GNLY: variants seen among roughly 807,000 people sequenced by gnomAD.
GNLY encodes the protein granulysin.
In GNLY, 15 loss-of-function variants were observed where a neutral mutation model predicts 18.5. The observed-to-expected ratio is 0.81, with a 90% CI of 0.54 to 1.25. The LOEUF is 1.25. GNLY is among the 50% of genes most tolerant of loss of function. The probability of loss-of-function intolerance (pLI) is 0.00; values close to 1 mark genes in which losing one functional copy is unlikely to be tolerated. For missense variants in GNLY, 178 were observed against 186.9 expected, an observed-to-expected ratio of 0.95 and a Z score of 0.28; for synonymous variants, 77 against 74.9, an observed-to-expected ratio of 1.03 and a Z score of -0.14.
chr2:85,695,782 C>T (rs1678419399), intron 2 of GNLY, among the ~76,000 whole-genome samples, 176 bp from the exon 3 acceptor site: 3 of 152,102 alleles, frequency 2.0e-5, no homozygotes, highest in Non-Finnish European at 4.4e-5. Flanking sequence ...CTAAGACAAG[C>T]AAAAGGGTGG....
At chr2:85,694,579 C>A in intron 1 of GNLY, 109 bp downstream of exon 1, 3 of 1,169,072 alleles carry the variant, frequency 2.6e-6, no homozygotes, top group Non-Finnish European at 3.7e-6. Context: ...CCCCTGCCTC[C>A]CCCCGGCCTT....
chr2:85,695,511 A>T lies in GNLY; in HGVS notation c.156+88A>T, dbSNP rs931771918. 5 of 773,360 alleles carry T rather than the reference A, an allele frequency of 6.5e-6. No individual in the cohort carries two copies. The African/African-American group carries it at 6.8e-5, about 11-fold the overall frequency. 47.9% of individuals were successfully genotyped at this position (773,360 alleles called of 1,614,324 possible). ...CCTGGGGTGAGGTCTGGAGCTCTCTAATGGTCAGGAGGTGGGAGTGGAGGC... is the reference window on the plus strand; with the variant it reads ...CCTGGGGTGAGGTCTGGAGCTCTCTTATGGTCAGGAGGTGGGAGTGGAGGC... On this transcript the variant is annotated intron_variant, in intron 2 of 4. Coordinates refer to ENST00000263863, the MANE Select transcript of GNLY (RefSeq NM_006433.5).
At position 85,697,672 on chromosome 2, in the gene GNLY, C is replaced by T; in HGVS notation, c.422C>T (p.Ser141Phe). The change falls in exon 4 of 5, where the codon TCT becomes TTT. Residue 141 changes from serine to phenylalanine, a missense_variant. By Grantham distance (155) the Ser-to-Phe change is radical (BLOSUM62 -2). Coordinates refer to ENST00000263863, the MANE Select transcript of GNLY (RefSeq NM_006433.5). Reference protein sequence around the residue: ...ICEDLRLCIPSTGPL With the variant: ...ICEDLRLCIPFTGPL ...GAGGACCTCAGGTTGTGTATACCTT[C>T]TACAGGTGAGTGCAGAGGTGACAGC... is the stretch of plus-strand genomic sequence containing the variant. 1.2e-6 allele frequency: 2 copies of T among 1,610,140 alleles called. No individual in the cohort carries two copies. The highest frequency in any genetic ancestry group is 1.7e-6 in the Non-Finnish European group (2 of 1,176,398).
At position 85,697,541 on chromosome 2, in the gene GNLY, G is replaced by A; in HGVS notation, c.291G>A (p.Arg97=). 8 of 1,613,030 alleles carry A rather than the reference G, an allele frequency of 5.0e-6. No individual in the cohort carries two copies. The highest frequency in any genetic ancestry group is 6.8e-6 in the Non-Finnish European group (8 of 1,179,934). Residue 97 remains arginine, a synonymous_variant, in exon 4 of 5, where the codon AGG becomes AGA. Transcript: ENST00000263863. The part of the protein sequence containing the change: ...SVSNAATRVC[R]TGRSRWRDVC... ...CCAATGCTGCGACCCGGGTGTGTAGGACGGGGAGGTCACGATGGCGCGACG... is the reference window on the plus strand; with the variant it reads ...CCAATGCTGCGACCCGGGTGTGTAGAACGGGGAGGTCACGATGGCGCGACG...
chr2:85,694,928 G>T (rs1160526761), intron 1 of GNLY: 1 of 1,575,800 alleles, frequency 6.3e-7, no homozygotes, highest in Non-Finnish European at 8.6e-7. Flanking sequence ...CTTGAGGTCA[G>T]TGTGAGCCCC....
Position 85,695,919 on chromosome 2 carries a change from T to C in GNLY, c.157-39T>C, listed in dbSNP as rs552917326. ...TGGGCACTTTCACGCGCTCCCAGAG[T>C]GTCTGAGAGACCATCATAAGGGCTT... On this transcript the variant is annotated intron_variant, in intron 2 of 4. Transcript: ENST00000263863. 2.3e-5 allele frequency: 27 copies of C among 1,191,530 alleles called. 2 individuals carry two copies. The South Asian group carries it at 3.3e-4, about 15-fold the overall frequency. 73.8% of individuals were successfully genotyped at this position (1,191,530 alleles called of 1,614,324 possible).
At position 85,697,681 on chromosome 2, in the gene GNLY, A is replaced by AGT. The variant is rs1214360805; in HGVS notation, c.427+6_427+7dup. Reference sequence around the variant, plus strand: ...AGGTTGTGTATACCTTCTACAGGTGAGTGCAGAGGTGACAGCAGGGATACC... The same window carrying AGT: ...AGGTTGTGTATACCTTCTACAGGTGAGTGTGCAGAGGTGACAGCAGGGATACC... On this transcript the variant is annotated splice_donor_region_variant and intron_variant, in intron 4 of 4. Transcript: ENST00000263863. The AGT allele has an allele frequency of 2.5e-6, 4 of 1,604,762 alleles. No individual in the cohort carries two copies. The African/African-American group carries it at 4.0e-5, about 16-fold the overall frequency.
chr2:85,697,661 G>C lies in GNLY; in HGVS notation c.411G>C (p.Leu137Phe), dbSNP rs143181527. Residue 137 changes from leucine (L) to phenylalanine (F), a missense_variant, in exon 4 of 5, where the codon TTG becomes TTC. Physicochemically the swap from Leu to Phe is conservative, Grantham distance 22. Transcript: ENST00000263863. ...TAQQICEDLR[L>F]CIPSTGPL Reference sequence around the variant, plus strand: ...AGCAGATCTGTGAGGACCTCAGGTTGTGTATACCTTCTACAGGTGAGTGCA... The same window carrying C: ...AGCAGATCTGTGAGGACCTCAGGTTCTGTATACCTTCTACAGGTGAGTGCA... 1.9e-6 allele frequency: 3 copies of C among 1,612,724 alleles called. No individual in the cohort carries two copies. The highest frequency in any genetic ancestry group is 2.7e-5 in the African/African-American group (2 of 74,920).
At chr2:85,694,595 C>T in intron 1 of GNLY, 125 bp downstream of exon 1, 3 of 1,020,520 alleles carry the variant, frequency 2.9e-6, no homozygotes, top group Non-Finnish European at 2.7e-6. Context: ...GCCTTCTCCC[C>T]CGTCATGGAG....
chr2:85,697,967 A>G (rs1325559917), intron 4 of GNLY, among the ~76,000 whole-genome samples: 1 of 152,218 alleles, frequency 6.6e-6, no homozygotes, highest in African/African-American at 2.4e-5. Context: ...AAGGGGAGAT[A>G]GCAATCCTGA....
chr2:85,698,263 T>A (rs1866141), intron 4 of GNLY: 4 of 620,312 alleles, frequency 6.4e-6, no homozygotes, highest in African/African-American at 1.8e-5. Context: ...CTGTAGGAAA[T>A]GGGGCCAGAA....
At chr2:85,696,323 A>C (rs1678448550) in intron 3 of GNLY, 1 of 407,294 alleles carries the variant, frequency 2.5e-6, no homozygotes, top group African/African-American at 2.0e-5. Context: ...GTCCCAGAGA[A>C]GTTAGGAATC....
Position 85,695,374 on chromosome 2 carries a change from T to G in GNLY, c.107T>G (p.Leu36Arg). Residue 36 changes from leucine to arginine, a missense_variant, in exon 2 of 5, where the codon CTG becomes CGG. By Grantham distance (102) the Leu-to-Arg change is moderately radical. Transcript: ENST00000263863. ...TACTACGACCTGGCAAGAGCCCACCTGCGTGATGAGGAGAAATCCTGCCCG... is the reference window on the plus strand; with the variant it reads ...TACTACGACCTGGCAAGAGCCCACCGGCGTGATGAGGAGAAATCCTGCCCG... ...PEYYDLARAH[L>R]RDEEKSCPCL... 1 of 1,613,986 alleles carries G rather than the reference T, an allele frequency of 6.2e-7. No homozygotes were observed. Among genetic ancestry groups the G allele is most frequent in the Middle Eastern group, 1.7e-4 (1 of 6,060 alleles).
Position 85,697,624 on chromosome 2 carries a change from G to T in GNLY, c.374G>T (p.Gly125Val). 6.2e-7 allele frequency: 1 copy of T among 1,613,812 alleles called. No homozygotes were observed. Among genetic ancestry groups the T allele is most frequent in the East Asian group, 2.2e-5 (1 of 44,886 alleles). Reference protein sequence around the residue: ...QSRVTQGLVAGETAQQICEDL... With the variant: ...QSRVTQGLVAVETAQQICEDL... ...AGAGTTACCCAGGGCCTCGTGGCCG[G>T]AGAAACTGCCCAGCAGATCTGTGAG... The change falls in exon 4 of 5, where the codon GGA becomes GTA. Residue 125 changes from glycine (G) to valine (V), a missense_variant. Transcript: ENST00000263863.
At chr2:85,694,772 G>C (rs532739574) in intron 1 of GNLY, 3 of 1,441,726 alleles carry the variant, frequency 2.1e-6, no homozygotes, top group Non-Finnish European at 2.7e-6. Flanking sequence ...CCGCATCTGC[G>C]TGGTGAAGGC....
intron 1 of GNLY, 94 bp downstream of exon 1, chr2:85,694,564 A>C (rs1678359429): frequency 7.8e-7 from 1 of 1,283,858 alleles, no homozygotes; most frequent in Admixed American, 2.0e-5. Flanking sequence ...GTGGGCACCC[A>C]GGTGCCCCTG....
Position 85,695,321 on chromosome 2 carries a change from T to C in GNLY, c.54T>C (p.Gly18=). The change falls in exon 2 of 5, where the codon GGT becomes GGC. Residue 18 remains glycine, a splice_region_variant and synonymous_variant. Coordinates refer to ENST00000263863, the MANE Select transcript of GNLY (RefSeq NM_006433.5). The part of the protein sequence containing the change: ...LLAAMLLGNP[G]LVFSRLSPEY... The stretch of plus-strand genomic sequence containing the variant: ...AAGCTGAAGTCTGGTCTTCCTCAGG[T>C]CTGGTCTTCTCTCGTCTGAGCCCTG... 1 of 1,602,108 alleles carries C rather than the reference T, an allele frequency of 6.2e-7. No homozygotes were observed. Among genetic ancestry groups the C allele is most frequent in the South Asian group, 1.1e-5 (1 of 90,800 alleles).
chr2:85,698,573 G>C lies in GNLY; in HGVS notation c.437G>C (p.Ter146SerextTer53). The C allele has an allele frequency of 1.2e-6, 2 of 1,613,350 alleles. No homozygotes were observed. The highest frequency in any genetic ancestry group is 2.7e-5 in the African/African-American group (2 of 74,992). Residue 146 changes from the stop codon to serine, a stop_lost, in exon 5 of 5, where the codon TGA (stop) becomes TCA (serine). Transcript: ENST00000263863. ...GTTCTCTCCTCTCCAGGTCCCCTCT[G>C]AGCCCTCTCACCTTGTCCTGTGGAA... ...RLCIPSTGPL[*>S]
intron 1 of GNLY, chr2:85,694,734 C>G (rs1678371334): frequency 7.0e-7 from 1 of 1,433,520 alleles, no homozygotes; most frequent in African/African-American, 1.4e-5. Flanking sequence ...TGGCCTGAGA[C>G]CCCCCTTTCC....
Sources: allele counts gnomAD v4.1 joint callset (sites outside exome capture counted in the v4.1 genomes callset), GRCh38; gene constraint gnomAD v4.1.1; transcripts MANE v1.5; gene names NCBI Gene and HGNC (gene_info 2026-07-23, HGNC 2026-07-21).